The following CPQ variants were observed in gnomAD, a reference collection of about 807,000 sequenced individuals.
CPQ encodes carboxypeptidase Q, also known as Ser-Met dipeptidase.
A neutral mutation model predicts 45.7 loss-of-function variants in CPQ; 37 were observed. The observed-to-expected ratio is 0.81, with a 90% CI of 0.62 to 1.07. The LOEUF is 1.07. Ranked by LOEUF, CPQ falls within the 50% of genes least tolerant of loss-of-function variation. The probability of loss-of-function intolerance (pLI) is 0.00; values close to 1 mark genes in which losing one functional copy is unlikely to be tolerated. For missense variants in CPQ, 537 were observed against 572.9 expected, an observed-to-expected ratio of 0.94 and a Z score of 0.64; for synonymous variants, 186 against 205.8, an observed-to-expected ratio of 0.90 and a Z score of 0.82.
chr8:96,901,131 C>G (rs564631279), intron 4 of CPQ, among the ~76,000 whole-genome samples: 1 of 152,156 alleles, frequency 6.6e-6, no homozygotes, highest in African/African-American at 2.4e-5. Context: ...GAGAGCCACT[C>G]ATCCATGGCC....
intron 6 of CPQ, among the ~76,000 whole-genome samples, chr8:97,040,347 A>C (rs1810096211): frequency 6.6e-6 from 1 of 151,282 alleles, no homozygotes; most frequent in Admixed American, 6.6e-5. Flanking sequence ...TTTTTCTTGT[A>C]AATTTGTTGG....
intron 2 of CPQ, among the ~76,000 whole-genome samples, chr8:96,799,925 A>G (rs189823520): frequency 6.6e-6 from 1 of 152,162 alleles, no homozygotes; most frequent in Admixed American, 6.5e-5. Context: ...TTCCCTCTTG[A>G]CTGTTTCTGT....
chr8:97,007,672 C>A (rs1809406618), intron 5 of CPQ, among the ~76,000 whole-genome samples: 2 of 152,144 alleles, frequency 1.3e-5, no homozygotes, highest in African/African-American at 4.8e-5. Context: ...GCAGCCAGAA[C>A]ACAGTTATGC....
chr8:96,689,923 G>A (rs1809282538), intron 1 of CPQ, among the ~76,000 whole-genome samples: 1 of 151,828 alleles, frequency 6.6e-6, no homozygotes, highest in Admixed American at 6.6e-5. Flanking sequence ...TTAAATTTGT[G>A]TCCTTCATAA....
At chr8:96,726,717 T>C (rs1016009461) in intron 1 of CPQ, among the ~76,000 whole-genome samples, 12 of 152,088 alleles carry the variant, frequency 7.9e-5, no homozygotes, top group East Asian at 5.8e-4. Context: ...CGATTACAAC[T>C]GAACATGAGA....
intron 4 of CPQ, among the ~76,000 whole-genome samples, chr8:96,890,123 A>G (rs1021897775): frequency 1.3e-5 from 2 of 152,232 alleles, no homozygotes; most frequent in African/African-American, 4.8e-5. Flanking sequence ...CCCGGAGCAC[A>G]CTAATTGTTA....
chr8:97,099,142 T>TC lies in CPQ; in HGVS notation c.1255+32932_1255+32933insC, dbSNP rs1356649967. Among the ~76,000 whole-genome samples, 249 of 139,968 alleles carry TC rather than the reference T, an allele frequency of 1.8e-3. 1 individual carries two copies. The highest frequency in any genetic ancestry group is 3.0e-3 in the Non-Finnish European group (196 of 64,662). The allele number at this position is 139,968 out of a possible 152,430, so 91.8% of individuals were successfully genotyped here. The stretch of plus-strand genomic sequence containing the variant: ...TTTTTTTTTTTTTTTTTTTTTTTTT[T>TC]GTGATGAAGTCTCACTCCGTTGCCC... On this transcript the variant is annotated intron_variant, in intron 7 of 7. Transcript: ENST00000220763.
chr8:96,880,879 A>G (rs1420105324), intron 4 of CPQ, among the ~76,000 whole-genome samples: 1 of 152,078 alleles, frequency 6.6e-6, no homozygotes, highest in African/African-American at 2.4e-5. Flanking sequence ...TTAGCCTCAC[A>G]CAATATGTCC....
At chr8:96,679,080 G>A (rs561833572) in intron 1 of CPQ, among the ~76,000 whole-genome samples, 40 of 152,116 alleles carry the variant, frequency 2.6e-4, no homozygotes, top group African/African-American at 9.6e-4. Flanking sequence ...GTTTATTTTT[G>A]TATATGTAGT....
At chr8:96,752,147 T>C (rs547480355) in intron 1 of CPQ, among the ~76,000 whole-genome samples, 1 of 152,152 alleles carries the variant, frequency 6.6e-6, no homozygotes, top group South Asian at 2.1e-4. Flanking sequence ...GCTTTAAAAT[T>C]TTTTGTTCTA....
At chr8:96,982,739 G>A (rs2130390592) in intron 5 of CPQ, among the ~76,000 whole-genome samples, 1 of 152,300 alleles carries the variant, frequency 6.6e-6, no homozygotes, top group Non-Finnish European at 1.5e-5. Flanking sequence ...TGAACAGACT[G>A]TATCTAGTTC....
At chr8:96,761,514 G>C (rs963198438) in intron 1 of CPQ, 10 of 152,190 alleles carry the variant, frequency 6.6e-5, no homozygotes, top group African/African-American at 9.7e-5. Flanking sequence ...ATTGTAAAGG[G>C]GAGGCTGAAG....
chr8:96,974,129 T>G (rs1188244334), intron 5 of CPQ, among the ~76,000 whole-genome samples: 2 of 152,134 alleles, frequency 1.3e-5, no homozygotes, highest in South Asian at 4.1e-4. Context: ...AGGAGACTAC[T>G]CTCACACATA....
intron 2 of CPQ, among the ~76,000 whole-genome samples, chr8:96,803,640 C>T (rs958420838): frequency 1.3e-5 from 2 of 151,768 alleles, no homozygotes; most frequent in African/African-American, 4.9e-5. Context: ...TAGTCATGTC[C>T]TCATATGCAA....
chr8:97,025,269 A>G (rs913995916), intron 5 of CPQ, among the ~76,000 whole-genome samples: 17 of 151,984 alleles, frequency 1.1e-4, no homozygotes, highest in Non-Finnish European at 1.9e-4. Flanking sequence ...TATTATTATT[A>G]CTCTCCTCAA....
At position 97,140,740 on chromosome 8, in the gene CPQ, A is replaced by G. The variant is rs78362509; in HGVS notation, c.1256-2280A>G. Among the ~76,000 whole-genome samples, 1,263 of 152,148 alleles carry G rather than the reference A, an allele frequency of 8.3e-3. 16 individuals carry two copies. Among genetic ancestry groups the G allele is most frequent in the African/African-American group, 0.029 (1,202 of 41,562 alleles). ...TTATCTGAAAGAGCAAATGGTTCTG[A>G]ATAATCAAAACACTCCTGAAGAAGA... On this transcript the variant is annotated intron_variant, in intron 7 of 7. Coordinates refer to ENST00000220763, the MANE Select transcript of CPQ (RefSeq NM_016134.4).
At chr8:96,905,466 A>C (rs909185838) in intron 4 of CPQ, among the ~76,000 whole-genome samples, 4 of 152,168 alleles carry the variant, frequency 2.6e-5, no homozygotes, top group Non-Finnish European at 5.9e-5. Context: ...CCCCATACAA[A>C]GCTGACTCTC....
At chr8:96,818,191 C>A (rs1432424021) in intron 2 of CPQ, among the ~76,000 whole-genome samples, 3 of 151,870 alleles carry the variant, frequency 2.0e-5, no homozygotes, top group South Asian at 2.1e-4. Flanking sequence ...CCATGTACTG[C>A]ACCCATATAA....
chr8:97,043,169 C>A (rs1810164071), intron 6 of CPQ, among the ~76,000 whole-genome samples: 1 of 152,146 alleles, frequency 6.6e-6, no homozygotes, highest in African/African-American at 2.4e-5. Context: ...TCTGGGTGCT[C>A]CTGTATTGGG....
Sources: gnomAD v4.1 joint callset for allele counts (sites outside exome capture counted in the v4.1 genomes callset) on GRCh38, gnomAD v4.1.1 for gene constraint, MANE v1.5 for transcripts, NCBI Gene and HGNC (gene_info 2026-07-23, HGNC 2026-07-21) for gene names.